Variants in LRRTM4 observed in about 807,000 individuals in gnomAD.
LRRTM4 encodes leucine-rich repeat transmembrane neuronal protein 4.
LRRTM4 carries 25 observed loss-of-function variants against 47.6 expected under a neutral mutation model. The observed-to-expected ratio is 0.53, with a 90% CI of 0.38 to 0.73. The LOEUF (loss-of-function observed/expected upper bound fraction) is 0.73. Ranked by LOEUF, LRRTM4 falls within the 30% of genes least tolerant of loss-of-function variation. The pLI, the probability that LRRTM4 is intolerant of heterozygous loss-of-function variation, is 0.00. For synonymous variants in LRRTM4, 311 were observed against 269.5 expected, an observed-to-expected ratio of 1.15 and a Z score of -1.51; for missense variants, 638 against 713.4, an observed-to-expected ratio of 0.89 and a Z score of 1.20.
At chr2:77,010,618 A>G (rs1229739925) in intron 3 of LRRTM4, among the ~76,000 whole-genome samples, 3 of 151,868 alleles carry the variant, frequency 2.0e-5, no homozygotes, top group Non-Finnish European at 2.9e-5. Context: ...CAATGCTGCA[A>G]TGAACATGGG....
chr2:77,426,178 A>G (rs1184674242), intron 3 of LRRTM4, among the ~76,000 whole-genome samples: 1 of 151,978 alleles, frequency 6.6e-6, no homozygotes, highest in East Asian at 1.9e-4. Flanking sequence ...CGATTAATCA[A>G]AAATTCTCTT....
In LRRTM4 at chr2:77,207,349, G is replaced by GTATATATA. The variant is rs1553409290; in HGVS notation, c.1551+310961_1551+310968dup. The stretch of plus-strand genomic sequence containing the variant: ...ATGTTTTTCCTAATTTCATATATGT[G>GTATATATA]TATATATATATATATATATATATAC... On this transcript the variant is annotated intron_variant, in intron 3 of 3. Coordinates refer to ENST00000409884, the MANE Select transcript of LRRTM4 (RefSeq NM_001134745.3). Among the ~76,000 whole-genome samples, 476 of 120,814 alleles carry GTATATATA rather than the reference G, an allele frequency of 3.9e-3. 2 individuals carry two copies. Among genetic ancestry groups the GTATATATA allele is most frequent in the African/African-American group, 5.3e-3 (144 of 27,328 alleles). The allele number at this position is 120,814 out of a possible 152,430, so 79.3% of individuals were successfully genotyped here.
At chr2:77,052,892 T>G (rs1457193694) in intron 3 of LRRTM4, among the ~76,000 whole-genome samples, 1 of 152,060 alleles carries the variant, frequency 6.6e-6, no homozygotes, top group East Asian at 1.9e-4. Flanking sequence ...TACAATGGAA[T>G]AGCTTTCCAT....
chr2:77,394,124 A>G (rs576004610), intron 3 of LRRTM4, among the ~76,000 whole-genome samples: 1 of 151,968 alleles, frequency 6.6e-6, no homozygotes, highest in Non-Finnish European at 1.5e-5. Context: ...TGCAACTCAA[A>G]ATTTTACATC....
At chr2:76,812,798 CCT>C (rs202089624) in intron 3 of LRRTM4, among the ~76,000 whole-genome samples, 13,295 of 82,486 alleles carry the variant, frequency 0.16, 944 homozygotes, top group East Asian at 0.31. Flanking sequence ...CCCTCCCCCC[CCT>C]CCTCCTCCTT....
intron 3 of LRRTM4, among the ~76,000 whole-genome samples, chr2:77,193,705 G>A (rs989789541): frequency 6.6e-6 from 1 of 152,094 alleles, no homozygotes; most frequent in African/African-American, 2.4e-5. Flanking sequence ...AGTTACTCAG[G>A]CAAGAGAATC....
intron 3 of LRRTM4, among the ~76,000 whole-genome samples, chr2:77,390,530 AG>A (rs1281803133): frequency 1.3e-5 from 2 of 152,018 alleles, no homozygotes; most frequent in Non-Finnish European, 1.5e-5. Context: ...GTATATATGA[AG>A]ATTTAGACAT....
chr2:76,841,785 C>A (rs1008749477), intron 3 of LRRTM4, among the ~76,000 whole-genome samples: 1 of 150,862 alleles, frequency 6.6e-6, no homozygotes, highest in Non-Finnish European at 1.5e-5. Context: ...AAATAAATAA[C>A]CAATAAAATA....
chr2:77,487,866 T>C (rs905138044), intron 3 of LRRTM4, among the ~76,000 whole-genome samples: 2 of 152,164 alleles, frequency 1.3e-5, no homozygotes, highest in Non-Finnish European at 2.9e-5. Flanking sequence ...TCCTAAAACC[T>C]GCCTGCAAAG....
At chr2:76,959,796 A>T (rs1170195855) in intron 3 of LRRTM4, among the ~76,000 whole-genome samples, 2 of 151,694 alleles carry the variant, frequency 1.3e-5, no homozygotes, top group Admixed American at 6.6e-5. Context: ...AGTGGCCCAC[A>T]TGTCAGCAGA....
intron 3 of LRRTM4, among the ~76,000 whole-genome samples, chr2:76,793,899 G>A (rs574722553): frequency 2.0e-5 from 3 of 152,314 alleles, no homozygotes; most frequent in Admixed American, 6.5e-5. Flanking sequence ...TACAGTATTA[G>A]TGGGACAGTA....
intron 3 of LRRTM4, among the ~76,000 whole-genome samples, chr2:76,861,018 T>C (rs1460556030): frequency 6.6e-6 from 1 of 152,132 alleles, no homozygotes; most frequent in Admixed American, 6.6e-5. Context: ...CCAGTTTTTC[T>C]AGAGGTGATA....
At chr2:77,501,312 T>A (rs887876219) in intron 3 of LRRTM4, among the ~76,000 whole-genome samples, 15 of 150,666 alleles carry the variant, frequency 1.0e-4, no homozygotes, top group Non-Finnish European at 1.8e-4. Flanking sequence ...TCATATATAT[T>A]TGTATATATG....
At chr2:77,045,720 C>T (rs1226868409) in intron 3 of LRRTM4, among the ~76,000 whole-genome samples, 1 of 151,924 alleles carries the variant, frequency 6.6e-6, no homozygotes, top group Non-Finnish European at 1.5e-5. Flanking sequence ...GATTGTGAGG[C>T]TTCTCCAGCC....
At position 76,894,941 on chromosome 2, in the gene LRRTM4, A is replaced by G. The variant is rs906772198; in HGVS notation, c.1552-146025T>C. ...AACTCATTAATAATTTATGCATTAT[A>G]TTTTATCTTATCAATAAAGTATAAT... On this transcript the variant is annotated intron_variant, in intron 3 of 3. Coordinates refer to ENST00000409884, the MANE Select transcript of LRRTM4 (RefSeq NM_001134745.3). Among the ~76,000 whole-genome samples, 3 of 151,580 alleles carry G rather than the reference A, an allele frequency of 2.0e-5. No homozygotes were observed. In the Admixed American group the frequency reaches 2.0e-4, roughly 10 times the overall value.
chr2:77,380,711 G>A (rs374949233), intron 3 of LRRTM4, among the ~76,000 whole-genome samples: 67 of 151,608 alleles, frequency 4.4e-4, no homozygotes, highest in Non-Finnish European at 7.4e-4. Flanking sequence ...CAGGAGAATC[G>A]CTTGAACCCG....
At chr2:77,342,095 C>A (rs946078936) in intron 3 of LRRTM4, among the ~76,000 whole-genome samples, 3 of 151,834 alleles carry the variant, frequency 2.0e-5, no homozygotes, top group Admixed American at 6.6e-5. Flanking sequence ...ATGTGCTATA[C>A]CAATGTACTA....
Position 77,175,391 on chromosome 2 carries a change from A to G in LRRTM4, c.1551+342927T>C, listed in dbSNP as rs562080891. Among the ~76,000 whole-genome samples, 17 of 152,270 alleles carry G rather than the reference A, an allele frequency of 1.1e-4. No homozygotes were observed. In the South Asian group the frequency reaches 2.3e-3, roughly 20 times the overall value. ...GGGTGGAAGGCTACCCTGACGCACC[A>G]TAATCTAAGCCCAGGGCATAAAATC... On this transcript the variant is annotated intron_variant, in intron 3 of 3. Transcript: ENST00000409884.
intron 3 of LRRTM4, among the ~76,000 whole-genome samples, chr2:77,425,894 A>T (rs1460619575): frequency 6.6e-6 from 1 of 151,892 alleles, no homozygotes; most frequent in Admixed American, 6.6e-5. Flanking sequence ...AGGCAGGCGG[A>T]TCACTTGAGA....
Sources: allele counts gnomAD v4.1 joint callset (sites outside exome capture counted in the v4.1 genomes callset), GRCh38; gene constraint gnomAD v4.1.1; transcripts MANE v1.5; gene names NCBI Gene and HGNC (gene_info 2026-07-23, HGNC 2026-07-21).